Variants in TRIM24 observed in about 807,000 individuals in gnomAD.
TRIM24 encodes the protein tripartite motif containing 24.
TRIM24 carries 29 observed loss-of-function variants against 123.9 expected under a neutral mutation model. The ratio of observed to expected loss-of-function variants is 0.23; its 90% CI spans 0.17 to 0.32. The LOEUF (loss-of-function observed/expected upper bound fraction) is 0.32, where lower values mean the gene tolerates loss of function less well. Ranked by LOEUF, TRIM24 falls within the 10% of genes least tolerant of loss-of-function variation. The pLI, the probability that TRIM24 is intolerant of heterozygous loss-of-function variation, is 1.00. For missense variants in TRIM24, 932 were observed against 1,295.3 expected (o/e 0.72, Z 4.31); for synonymous variants, 456 against 461.1 (o/e 0.99, Z 0.14).
intron 1 of TRIM24, among the ~76,000 whole-genome samples, chr7:138,471,469 T>A (rs1795270683): frequency 1.3e-5 from 2 of 152,016 alleles, no homozygotes; most frequent in Admixed American, 1.3e-4. Flanking sequence ...GACTTTCTTC[T>A]GATTTTTTTT....
chr7:138,503,167 C>T (rs1200714545), intron 1 of TRIM24, among the ~76,000 whole-genome samples: 2 of 151,704 alleles, frequency 1.3e-5, no homozygotes, highest in African/African-American at 4.8e-5. Context: ...AAAAATCACA[C>T]CATTTTAATT....
chr7:138,535,279 GCC>G (rs1796843833), intron 6 of TRIM24, among the ~76,000 whole-genome samples: 1 of 152,088 alleles, frequency 6.6e-6, no homozygotes, highest in African/African-American at 2.4e-5. Flanking sequence ...TGGTTATTTT[GCC>G]CTTTAGTTGA....
rs748830366 is a variant in TRIM24, at chr7:138,460,838, G to C, written c.290G>C (p.Gly97Ala). The part of the protein sequence containing the change: ...RYLMLPAPML[G>A]SAETPPPVPA... ...CTCATGCTGCCCGCGCCCATGCTGG[G>C]CTCGGCCGAGACCCCGCCACCCGTC... The change falls in exon 1 of 19, where the codon GGC becomes GCC. Residue 97 changes from glycine (G) to alanine (A), a missense_variant. Gly to Ala is a moderately conservative substitution (Grantham distance 60, BLOSUM62 0). Around this residue, in one of 7 missense-constraint regions of TRIM24, gnomAD observed 164 missense variants for 181.9 expected, o/e 0.90. Transcript: ENST00000343526. 105 of 1,571,078 alleles carry C rather than the reference G, an allele frequency of 6.7e-5. No homozygotes were observed. The highest frequency in any genetic ancestry group is 3.9e-4 in the Admixed American group (22 of 56,328).
chr7:138,472,300 A>G (rs1156576162), intron 1 of TRIM24, among the ~76,000 whole-genome samples: 1 of 152,180 alleles, frequency 6.6e-6, no homozygotes, highest in African/African-American at 2.4e-5. Context: ...TAAAAAAAAA[A>G]AAAGATTTGG....
At chr7:138,543,048 A>T (rs1380354223) in intron 7 of TRIM24, among the ~76,000 whole-genome samples, 1 of 152,216 alleles carries the variant, frequency 6.6e-6, no homozygotes, top group Admixed American at 6.5e-5. Context: ...ATCCATCATG[A>T]GTATGTATGT....
At chr7:138,461,718 T>A (rs1794977662) in intron 1 of TRIM24, among the ~76,000 whole-genome samples, 1 of 152,230 alleles carries the variant, frequency 6.6e-6, no homozygotes, top group African/African-American at 2.4e-5. Context: ...TAAAGTAAGT[T>A]TGAGTACAGT....
In TRIM24 at chr7:138,580,554, C is replaced by A; in HGVS notation, c.2586-8C>A. On this transcript the variant is annotated splice_region_variant and splice_polypyrimidine_tract_variant and intron_variant, in intron 15 of 18. Coordinates refer to ENST00000343526, the MANE Select transcript of TRIM24 (RefSeq NM_015905.3). ...TTAGGAATTCAAAAGTACATTGTCC[C>A]CTAACAGTGGAGAGTGGATTTGCAC... is the stretch of plus-strand genomic sequence containing the variant. 6.2e-7 allele frequency: 1 copy of A among 1,607,090 alleles called. No individual in the cohort carries two copies. The highest frequency in any genetic ancestry group is 8.5e-7 in the Non-Finnish European group (1 of 1,176,464).
intron 2 of TRIM24, among the ~76,000 whole-genome samples, chr7:138,513,344 T>C (rs1220221549): frequency 6.6e-6 from 1 of 152,182 alleles, no homozygotes; most frequent in African/African-American, 2.4e-5. Flanking sequence ...TTTAGAGCAG[T>C]GCCCCACTCC....
rs1205675767 is a variant in TRIM24, at chr7:138,460,288, A to T, written c.-261A>T. The stretch of plus-strand genomic sequence containing the variant: ...TCCACGAGCGCCTCGGCGGTTGGCG[A>T]AGCGGACGGGGTGCAGCCTCCCCGG... On this transcript the variant is annotated 5_prime_UTR_variant, in exon 1 of 19. Coordinates refer to ENST00000343526, the MANE Select transcript of TRIM24 (RefSeq NM_015905.3). 3 of 375,008 alleles carry T rather than the reference A, an allele frequency of 8.0e-6. No homozygotes were observed. The highest frequency in any genetic ancestry group is 2.1e-5 in the African/African-American group (1 of 47,694). The allele number at this position is 375,008 out of a possible 1,614,324, so 23.2% of individuals were successfully genotyped here.
At chr7:138,564,824 A>C (rs1354404746) in intron 9 of TRIM24, among the ~76,000 whole-genome samples, 1 of 152,200 alleles carries the variant, frequency 6.6e-6, no homozygotes, top group Non-Finnish European at 1.5e-5. Flanking sequence ...AATCCCCTGC[A>C]TAACCTTTCT....
At chr7:138,528,886 T>C (rs1185961437) in intron 5 of TRIM24, among the ~76,000 whole-genome samples, 2 of 150,712 alleles carry the variant, frequency 1.3e-5, no homozygotes, top group Non-Finnish European at 3.0e-5. Flanking sequence ...CTTCTAATTT[T>C]ATATATATTT....
At chr7:138,479,326 T>G (rs972835482) in intron 1 of TRIM24, among the ~76,000 whole-genome samples, 5 of 152,164 alleles carry the variant, frequency 3.3e-5, no homozygotes, top group Non-Finnish European at 7.3e-5. Context: ...TTTTTATCAC[T>G]CCTTCCCTTT....
intron 1 of TRIM24, among the ~76,000 whole-genome samples, chr7:138,476,949 A>G (rs1795415804): frequency 6.6e-6 from 1 of 152,196 alleles, no homozygotes; most frequent in Non-Finnish European, 1.5e-5. Context: ...GCCGATGTAA[A>G]AAAGGAATGA....
At chr7:138,502,013 A>T (rs370933236) in intron 1 of TRIM24, among the ~76,000 whole-genome samples, 1 of 152,184 alleles carries the variant, frequency 6.6e-6, no homozygotes, top group Non-Finnish European at 1.5e-5. Context: ...GGGCTTGGGA[A>T]TGAAGTTCTG....
At chr7:138,485,105 A>T (rs1357277765) in intron 1 of TRIM24, among the ~76,000 whole-genome samples, 1 of 151,476 alleles carries the variant, frequency 6.6e-6, no homozygotes, top group African/African-American at 2.4e-5. Context: ...TTTCAATTTT[A>T]TTGGTTTCTT....
chr7:138,504,444 GCTCTTTT>G lies in TRIM24; in HGVS notation c.483+37_483+43del, dbSNP rs763671174. ...TACATCTTGAACCTTTTGCCTGCCA[GCTCTTTT>G]TTTTTTTTTTTTTTTTTTTTTTGAG... On this transcript the variant is annotated intron_variant, in intron 2 of 18. Coordinates refer to ENST00000343526, the MANE Select transcript of TRIM24 (RefSeq NM_015905.3). The G allele has an allele frequency of 5.8e-3, 3,593 of 623,704 alleles. 78 individuals carry two copies. The highest frequency in any genetic ancestry group is 0.017 in the East Asian group (483 of 28,000). The allele number at this position is 623,704 out of a possible 1,614,324, so 38.6% of individuals were successfully genotyped here.
Position 138,554,212 on chromosome 7 carries a change from C to T in TRIM24, c.1262-486C>T, listed in dbSNP as rs1051249681. On this transcript the variant is annotated intron_variant, in intron 8 of 18. Coordinates refer to ENST00000343526, the MANE Select transcript of TRIM24 (RefSeq NM_015905.3). The surrounding 1 kb of genome is among the most constrained non-coding windows in gnomAD (Gnocchi z 4.5). ...TTCTTAGGCCATACAGGGTCACTCA[C>T]AGGGTACACTTAAGTTATTGCTGTC... 1.3e-5 allele frequency among the ~76,000 whole-genome samples: 2 copies of T among 152,162 alleles called. No homozygotes were observed. Among genetic ancestry groups the T allele is most frequent in the Middle Eastern group, 3.2e-3 (1 of 316 alleles).
chr7:138,480,992 T>G (rs1235450819), intron 1 of TRIM24, among the ~76,000 whole-genome samples: 1 of 151,874 alleles, frequency 6.6e-6, no homozygotes, highest in Non-Finnish European at 1.5e-5. Flanking sequence ...TAAAAAGTTA[T>G]TATTATTATT....
chr7:138,583,779 A>G, intron 17 of TRIM24, 71 bp from the exon 18 acceptor site: 1 of 1,083,600 alleles, frequency 9.2e-7, no homozygotes, highest in Non-Finnish European at 1.3e-6. Flanking sequence ...TTTAGAGCAC[A>G]TCTCATAGAA....
Sources: allele counts gnomAD v4.1 joint callset (sites outside exome capture counted in the v4.1 genomes callset), GRCh38; gene constraint gnomAD v4.1.1; regional missense constraint gnomAD v4.1.1; non-coding constraint Gnocchi (gnomAD v3.1); transcripts MANE v1.5; gene names NCBI Gene and HGNC (gene_info 2026-07-23, HGNC 2026-07-21).